TOGARAM1: variants seen among roughly 807,000 people sequenced by gnomAD.
The protein encoded by TOGARAM1 is TOG array regulator of axonemal microtubules 1, also known as TOG array regulator of axonemal microtubules protein 1.
A neutral mutation model predicts 166.6 loss-of-function variants in TOGARAM1; 100 were observed. The ratio of observed to expected loss-of-function variants is 0.60; its 90% CI spans 0.51 to 0.71. The LOEUF is 0.71. TOGARAM1 is among the 30% of genes least tolerant of loss of function. The pLI, the probability that TOGARAM1 is intolerant of heterozygous loss-of-function variation, is 0.00. For synonymous variants in TOGARAM1, 758 were observed against 763.8 expected, an observed-to-expected ratio of 0.99 and a Z score of 0.13; for missense variants, 2,029 against 2,102.7, an observed-to-expected ratio of 0.96 and a Z score of 0.69.
intron 1 of TOGARAM1, among the ~76,000 whole-genome samples, chr14:44,969,146 CT>C (rs954925770): frequency 7.6e-6 from 1 of 131,262 alleles, no homozygotes; most frequent in African/African-American, 3.5e-5. Flanking sequence ...TCCTTCCTTC[CT>C]TTCTTTCTTT....
chr14:44,993,862 G>A (rs1887271876), intron 1 of TOGARAM1, among the ~76,000 whole-genome samples: 1 of 152,052 alleles, frequency 6.6e-6, no homozygotes, highest in African/African-American at 2.4e-5. Context: ...ATATCTGTTT[G>A]CTAAACAGAA....
intron 16 of TOGARAM1, among the ~76,000 whole-genome samples, chr14:45,064,705 C>T (rs971200217): frequency 6.6e-6 from 1 of 152,230 alleles, no homozygotes; most frequent in East Asian, 1.9e-4. Flanking sequence ...GGAGTCTTGT[C>T]TTATTACCAA....
chr14:44,969,937 T>G (rs745751842), intron 1 of TOGARAM1, among the ~76,000 whole-genome samples: 2 of 152,242 alleles, frequency 1.3e-5, no homozygotes, highest in Non-Finnish European at 1.5e-5. Flanking sequence ...TCTTGATTAC[T>G]GTAGCTTTAT....
chr14:45,001,192 A>G (rs1887676318), intron 3 of TOGARAM1, among the ~76,000 whole-genome samples: 1 of 152,166 alleles, frequency 6.6e-6, no homozygotes, highest in South Asian at 2.1e-4. Context: ...GAGTGACATG[A>G]TATCTTATTG....
chr14:44,976,340 T>A (rs1886191347), intron 1 of TOGARAM1, among the ~76,000 whole-genome samples: 1 of 152,216 alleles, frequency 6.6e-6, no homozygotes, highest in Non-Finnish European at 1.5e-5. Flanking sequence ...GACCCCTTTT[T>A]CCAGATAACA....
intron 3 of TOGARAM1, 75 bp downstream of exon 3, chr14:44,999,572 A>G: frequency 7.7e-7 from 1 of 1,301,626 alleles, no homozygotes; most frequent in Non-Finnish European, 1.0e-6. Flanking sequence ...AACTTATATG[A>G]TATTTTGTGT....
intron 3 of TOGARAM1, among the ~76,000 whole-genome samples, chr14:45,001,804 T>C (rs573294231): frequency 6.6e-6 from 1 of 152,300 alleles, no homozygotes; most frequent in East Asian, 1.9e-4. Flanking sequence ...ATGTCTCTTA[T>C]TAGGAACCGT....
chr14:44,979,205 G>C (rs901155977), intron 1 of TOGARAM1, among the ~76,000 whole-genome samples: 1 of 151,840 alleles, frequency 6.6e-6, no homozygotes, highest in African/African-American at 2.4e-5. Context: ...GTTTTCAAAG[G>C]CAGCTATTCT....
In TOGARAM1 at chr14:44,963,594, T is replaced by C. The variant is rs1398221067; in HGVS notation, c.1173T>C (p.Ser391=). The change falls in exon 1 of 20, where the codon AGT becomes AGC. Residue 391 remains serine (S), a synonymous_variant. Coordinates refer to ENST00000361462, the MANE Select transcript of TOGARAM1 (RefSeq NM_001308120.2). ...KFNPSSTPHS[S]LVGFISLLYN... is the part of the protein sequence containing the mutation. ...ACCCTAGTTCTACTCCTCATTCTAG[T>C]CTTGTTGGCTTCATTAGTTTGCTAT... The C allele has an allele frequency of 1.2e-6, 2 of 1,613,562 alleles. No individual in the cohort carries two copies. The highest frequency in any genetic ancestry group is 1.7e-6 in the Non-Finnish European group (2 of 1,179,850).
rs182356667 is a variant in TOGARAM1 at position 45,034,414 on chromosome 14, C to T, written c.3812+2038C>T. ...TTGCAGGACAGAATGCCAGATAGAG[C>T]TCCACAGAGAGCTCCAGAGATCATA... On this transcript the variant is annotated intron_variant, in intron 11 of 19. Transcript: ENST00000361462. 5.5e-3 allele frequency among the ~76,000 whole-genome samples: 838 copies of T among 152,210 alleles called. 11 individuals carry two copies. Among genetic ancestry groups the T allele is most frequent in the African/African-American group, 0.019 (807 of 41,516 alleles).
At chr14:45,052,907 A>G (rs762021194) in intron 15 of TOGARAM1, among the ~76,000 whole-genome samples, 1 of 152,172 alleles carries the variant, frequency 6.6e-6, no homozygotes, top group Non-Finnish European at 1.5e-5. Flanking sequence ...CTCACTTTAT[A>G]AAATGAGGAT....
Position 45,006,074 on chromosome 14 carries a change from G to A in TOGARAM1, c.2711G>A (p.Arg904Gln), listed in dbSNP as rs760032885. The change falls in exon 5 of 20, where the codon CGA becomes CAA. Residue 904 changes from arginine to glutamine, a missense_variant. Physicochemically the swap from Arg to Gln is conservative, Grantham distance 43 (BLOSUM62 1). Around this residue, in one of 2 missense-constraint regions of TOGARAM1, gnomAD observed 1,453 missense variants for 1,432.2 expected, o/e 1.01. Coordinates refer to ENST00000361462, the MANE Select transcript of TOGARAM1 (RefSeq NM_001308120.2). Reference protein sequence around the residue: ...TPALVRSPSSRRGLNGTKPVP... With the variant: ...TPALVRSPSSQRGLNGTKPVP... ...GCCTTGGTGAGATCGCCATCTTCCC[G>A]ACGAGGTCTAAATGGGACAAAGCCT... The A allele has an allele frequency of 2.0e-5, 32 of 1,613,486 alleles. No individual in the cohort carries two copies. The highest frequency in any genetic ancestry group is 6.6e-5 in the South Asian group (6 of 90,990).
chr14:45,002,039 T>C (rs1381944388), intron 3 of TOGARAM1, among the ~76,000 whole-genome samples: 1 of 152,206 alleles, frequency 6.6e-6, no homozygotes, highest in African/African-American at 2.4e-5. Flanking sequence ...GATAGGGATA[T>C]ACTTATTTAT....
intron 1 of TOGARAM1, among the ~76,000 whole-genome samples, chr14:44,988,886 G>A (rs542296165): frequency 1.3e-5 from 2 of 152,326 alleles, no homozygotes; most frequent in East Asian, 1.9e-4. Flanking sequence ...CAGTAACCAC[G>A]TGAGTGAACT....
intron 18 of TOGARAM1, among the ~76,000 whole-genome samples, chr14:45,071,315 T>A (rs545349323): frequency 2.0e-5 from 3 of 149,714 alleles, no homozygotes; most frequent in Non-Finnish European, 4.4e-5. Flanking sequence ...AAATACCACA[T>A]GATAGCTCCT....
At position 45,021,468 on chromosome 14, in the gene TOGARAM1, G is replaced by C. The variant is rs190471856; in HGVS notation, c.3239-4315G>C. 2.0e-4 allele frequency among the ~76,000 whole-genome samples: 31 copies of C among 152,272 alleles called. 1 individual carries two copies. The highest frequency in any genetic ancestry group is 1.2e-3 in the Admixed American group (18 of 15,296). ...GAGAATGAAAGGGGGTAAGAGAACA[G>C]TAAAGAGAAAAATATGATAAGGGAG... On this transcript the variant is annotated intron_variant, in intron 7 of 19. Transcript: ENST00000361462.
At position 45,071,053 on chromosome 14, in the gene TOGARAM1, C is replaced by A. The variant is rs143603344; in HGVS notation, c.4970-659C>A. On this transcript the variant is annotated intron_variant, in intron 18 of 19. Transcript: ENST00000361462. ...TCTCCTGCCTCAGCCTCCCAAGTAG[C>A]TGGGATTACAGGCACGCACCACCAC... 1.0e-3 allele frequency among the ~76,000 whole-genome samples: 158 copies of A among 152,164 alleles called. 2 individuals carry two copies. The highest frequency in any genetic ancestry group is 6.8e-3 in the Middle Eastern group (2 of 294).
rs972105560 is a variant in TOGARAM1, at chr14:44,964,290, C to G, written c.1869C>G (p.His623Gln). The part of the protein sequence containing the change: ...LLAGNRTQSA[H>Q]CHCGDHVRDS... ...CTGGTAACAGAACTCAGAGTGCACACTGTCACTGTGGTGACCACGTGAGGG... is the reference window on the plus strand; with the variant it reads ...CTGGTAACAGAACTCAGAGTGCACAGTGTCACTGTGGTGACCACGTGAGGG... The change falls in exon 1 of 20, where the codon CAC becomes CAG. Residue 623 changes from histidine (H) to glutamine (Q), a missense_variant. His to Gln is a conservative substitution (Grantham distance 24, BLOSUM62 0). Transcript: ENST00000361462. The G allele has an allele frequency of 6.2e-7, 1 of 1,614,182 alleles. No homozygotes were observed. The highest frequency in any genetic ancestry group is 8.5e-7 in the Non-Finnish European group (1 of 1,180,036).
intron 1 of TOGARAM1, among the ~76,000 whole-genome samples, chr14:44,987,711 T>C (rs1203368694): frequency 1.3e-5 from 2 of 149,852 alleles, no homozygotes; most frequent in South Asian, 4.3e-4. Flanking sequence ...TCCTCAGGGA[T>C]CTAGAACTGG....
Sources: gnomAD v4.1 joint callset for allele counts (sites outside exome capture counted in the v4.1 genomes callset) on GRCh38, gnomAD v4.1.1 for gene constraint, gnomAD v4.1.1 regional missense constraint, MANE v1.5 for transcripts, NCBI Gene and HGNC (gene_info 2026-07-23, HGNC 2026-07-21) for gene names.